The following ZSWIM6 variants were observed in gnomAD, a reference collection of about 807,000 sequenced individuals.
The protein encoded by ZSWIM6 is zinc finger SWIM domain-containing protein 6.
A neutral mutation model predicts 113.2 loss-of-function variants in ZSWIM6; 9 were observed. The ratio of observed to expected loss-of-function variants is 0.08; its 90% CI spans 0.05 to 0.14. The LOEUF (loss-of-function observed/expected upper bound fraction) is 0.14, where lower values mean the gene tolerates loss of function less well. Ranked by LOEUF, ZSWIM6 falls within the 10% of genes least tolerant of loss-of-function variation. The probability of loss-of-function intolerance (pLI) is 1.00; values close to 1 mark genes in which losing one functional copy is unlikely to be tolerated. For missense variants in ZSWIM6, 1,162 were observed against 1,552.2 expected (o/e 0.75, Z 4.22); for synonymous variants, 611 against 606.5 (o/e 1.01, Z -0.11).
chr5:61,518,755 G>A lies in ZSWIM6; in HGVS notation c.1334-2508G>A, dbSNP rs1031134659. ...TTGTAGGTTGCCTGTTCACTCTGAT[G>A]ATAGTTTCTTTTGCTGTGCAGAAGC... On this transcript the variant is annotated intron_variant, in intron 4 of 13. Transcript: ENST00000252744. 2.6e-5 allele frequency among the ~76,000 whole-genome samples: 4 copies of A among 152,264 alleles called. No homozygotes were observed. In the East Asian group the frequency reaches 5.8e-4, roughly 22 times the overall value.
chr5:61,532,117 T>A (rs1356882259), intron 9 of ZSWIM6, among the ~76,000 whole-genome samples: 1 of 152,234 alleles, frequency 6.6e-6, no homozygotes, highest in African/African-American at 2.4e-5. Flanking sequence ...AGTAATTGGC[T>A]GGCCTTCCTC....
chr5:61,356,702 A>T (rs1446246358), intron 1 of ZSWIM6, among the ~76,000 whole-genome samples: 1 of 122,786 alleles, frequency 8.1e-6, no homozygotes. Context: ...TACATATTTT[A>T]TATATATAAT....
chr5:61,509,251 T>C (rs1748710403), intron 4 of ZSWIM6, among the ~76,000 whole-genome samples: 1 of 152,160 alleles, frequency 6.6e-6, no homozygotes, highest in South Asian at 2.1e-4. Flanking sequence ...CAAACTCTTA[T>C]GTAAGATTTC....
chr5:61,383,703 C>T (rs557295254), intron 1 of ZSWIM6, among the ~76,000 whole-genome samples: 7 of 151,794 alleles, frequency 4.6e-5, no homozygotes, highest in Admixed American at 1.3e-4. Flanking sequence ...CATGCTACCA[C>T]GTCCAGCTAA....
intron 5 of ZSWIM6, among the ~76,000 whole-genome samples, chr5:61,524,884 A>G (rs1028256333): frequency 2.6e-5 from 4 of 152,234 alleles, no homozygotes; most frequent in South Asian, 4.1e-4. Flanking sequence ...AGTTGAAGGT[A>G]AGTTTAGAGT....
intron 1 of ZSWIM6, among the ~76,000 whole-genome samples, chr5:61,387,094 A>G (rs959636534): frequency 6.7e-6 from 1 of 149,374 alleles, no homozygotes; most frequent in African/African-American, 2.4e-5. Context: ...CTCTGCTGGT[A>G]GTTGCTTATG....
intron 4 of ZSWIM6, among the ~76,000 whole-genome samples, chr5:61,498,776 T>G (rs1748387054): frequency 6.6e-6 from 1 of 152,194 alleles, no homozygotes; most frequent in Admixed American, 6.6e-5. Context: ...AACATATGCT[T>G]AAGTCACACA....
intron 2 of ZSWIM6, among the ~76,000 whole-genome samples, chr5:61,475,125 G>T (rs1394559631): frequency 6.6e-6 from 1 of 152,198 alleles, no homozygotes; most frequent in Non-Finnish European, 1.5e-5. Flanking sequence ...TTCTCTGTTT[G>T]TGGCTTCTTA....
intron 1 of ZSWIM6, among the ~76,000 whole-genome samples, chr5:61,467,104 G>C: frequency 6.6e-6 from 1 of 152,152 alleles, no homozygotes; most frequent in East Asian, 1.9e-4. Context: ...TCTTCCGCCT[G>C]TTGGCAGTGC....
chr5:61,464,221 T>C (rs1747382416), intron 1 of ZSWIM6, among the ~76,000 whole-genome samples: 2 of 141,074 alleles, frequency 1.4e-5, no homozygotes, highest in Non-Finnish European at 3.0e-5. Flanking sequence ...GGTATCTCCA[T>C]GTTGGCCAGG....
intron 1 of ZSWIM6, among the ~76,000 whole-genome samples, chr5:61,468,713 G>T (rs1435377683): frequency 6.6e-6 from 1 of 152,162 alleles, no homozygotes; most frequent in East Asian, 1.9e-4. Context: ...ATTGAGGGAG[G>T]AACAGTGTCC....
chr5:61,439,949 T>G (rs1362636947), intron 1 of ZSWIM6, among the ~76,000 whole-genome samples: 2 of 152,184 alleles, frequency 1.3e-5, no homozygotes, highest in Non-Finnish European at 2.9e-5. Context: ...CAAGTGCCCT[T>G]TCTACCTAAT....
At position 61,337,552 on chromosome 5, in the gene ZSWIM6, C is replaced by T. The variant is rs1744429443; in HGVS notation, c.676+4604C>T. ...TGCAAGAGTAAAAAGCTGGAGTTAA[C>T]CTAAATTTCTACAGAAGGGAAGTGC... On this transcript the variant is annotated intron_variant, in intron 1 of 13. Transcript: ENST00000252744. 2.0e-5 allele frequency among the ~76,000 whole-genome samples: 3 copies of T among 152,094 alleles called. 1 individual carries two copies. In the South Asian group the frequency reaches 6.2e-4, roughly 32 times the overall value.
intron 1 of ZSWIM6, among the ~76,000 whole-genome samples, chr5:61,439,804 G>T (rs1447601912): frequency 6.6e-6 from 1 of 152,140 alleles, no homozygotes. Flanking sequence ...TACTAGATAA[G>T]TGATTTTCCA....
intron 4 of ZSWIM6, among the ~76,000 whole-genome samples, chr5:61,518,104 C>T (rs13159025): frequency 1.3e-5 from 2 of 151,962 alleles, no homozygotes. Flanking sequence ...CATGTCCCTA[C>T]AAAGGACATG....
At chr5:61,480,300 T>C (rs1190385785) in intron 2 of ZSWIM6, among the ~76,000 whole-genome samples, 1 of 152,140 alleles carries the variant, frequency 6.6e-6, no homozygotes, top group Non-Finnish European at 1.5e-5. Flanking sequence ...AGGAAAATAA[T>C]AGAGGAGGGG....
At chr5:61,413,414 G>A (rs1746185321) in intron 1 of ZSWIM6, among the ~76,000 whole-genome samples, 1 of 151,752 alleles carries the variant, frequency 6.6e-6, no homozygotes, top group Non-Finnish European at 1.5e-5. Flanking sequence ...TCTTAATCCA[G>A]TCTATCATTG....
chr5:61,542,342 G>C (rs904238089), intron 13 of ZSWIM6, among the ~76,000 whole-genome samples: 2 of 152,146 alleles, frequency 1.3e-5, no homozygotes, highest in Admixed American at 6.5e-5. Context: ...TGTGGTTTAG[G>C]TGATCCTCCA....
rs544920357 is a variant in ZSWIM6, at chr5:61,402,224, T to C, written c.676+69276T>C. Among the ~76,000 whole-genome samples, 10 of 152,254 alleles carry C rather than the reference T, an allele frequency of 6.6e-5. No individual in the cohort carries two copies. In the South Asian group the frequency reaches 2.1e-3, roughly 32 times the overall value. On this transcript the variant is annotated intron_variant, in intron 1 of 13. Transcript: ENST00000252744. ...AGCAGCAAATAGAGCACACATTCTG[T>C]AGAATTAAAGAACCTTAGAAAAGAT...
Sources: gnomAD v4.1 joint callset for allele counts (sites outside exome capture counted in the v4.1 genomes callset) on GRCh38, gnomAD v4.1.1 for gene constraint, MANE v1.5 for transcripts, NCBI Gene and HGNC (gene_info 2026-07-23, HGNC 2026-07-21) for gene names.